Variants in AGTPBP1 observed in about 807,000 individuals in gnomAD.
The protein encoded by AGTPBP1 is cytosolic carboxypeptidase 1.
Under a neutral mutation model 143.9 loss-of-function variants are expected in AGTPBP1, and 70 were observed. The observed-to-expected ratio is 0.49, with a 90% CI of 0.40 to 0.59. The LOEUF is 0.59. Among genes scored for constraint, AGTPBP1 ranks in the 20% least tolerant of loss-of-function variants. AGTPBP1 has a pLI of 0.00. For missense variants in AGTPBP1, 1,229 were observed against 1,464.5 expected (o/e 0.84, Z 2.62); for synonymous variants, 463 against 500.2 (o/e 0.93, Z 0.99).
rs776240439 is a variant in AGTPBP1 at position 85,592,718 on chromosome 9, G to C, written c.2424-14C>G. The C allele has an allele frequency of 5.6e-6, 9 of 1,605,610 alleles. 1 individual carries two copies. In the South Asian group the frequency reaches 9.0e-5, roughly 16 times the overall value. On this transcript the variant is annotated splice_polypyrimidine_tract_variant and intron_variant, in intron 18 of 25. Coordinates refer to ENST00000357081, the MANE Select transcript of AGTPBP1 (RefSeq NM_001330701.2). ...GAGAAATGATTTCTGCAATAAAAAC[G>C]CATAAAACATGTTCATTTCATCCAC...
intron 3 of AGTPBP1, among the ~76,000 whole-genome samples, chr9:85,685,469 T>C (rs532113731): frequency 1.2e-4 from 19 of 152,154 alleles, no homozygotes; most frequent in African/African-American, 4.6e-4. Context: ...GAAACACAAT[T>C]GTAAGCACAC....
chr9:85,651,076 C>G (rs1587829184), intron 11 of AGTPBP1, among the ~76,000 whole-genome samples: 1 of 152,184 alleles, frequency 6.6e-6, no homozygotes. Context: ...ATCTGGGAGT[C>G]TCTTTCCTTC....
At chr9:85,739,002 A>C (rs1824026530) in intron 1 of AGTPBP1, among the ~76,000 whole-genome samples, 1 of 152,202 alleles carries the variant, frequency 6.6e-6, no homozygotes, top group African/African-American at 2.4e-5. Flanking sequence ...ATTTGAGAAT[A>C]TCTTAAGAGT....
intron 25 of AGTPBP1, among the ~76,000 whole-genome samples, chr9:85,557,973 T>A (rs1265591291): frequency 6.6e-6 from 1 of 152,230 alleles, no homozygotes; most frequent in South Asian, 2.1e-4. Flanking sequence ...CACAGACTCA[T>A]AGTGTTCCCT....
At chr9:85,689,940 A>C (rs1280171855) in intron 3 of AGTPBP1, among the ~76,000 whole-genome samples, 4 of 139,886 alleles carry the variant, frequency 2.9e-5, no homozygotes, top group Non-Finnish European at 4.6e-5. Flanking sequence ...ATATATATAT[A>C]TATATATCTT....
intron 6 of AGTPBP1, among the ~76,000 whole-genome samples, chr9:85,673,810 A>G (rs1330496427): frequency 6.6e-6 from 1 of 152,118 alleles, no homozygotes; most frequent in Non-Finnish European, 1.5e-5. Context: ...TAAAACTACA[A>G]ATAAAAATGA....
intron 17 of AGTPBP1, among the ~76,000 whole-genome samples, chr9:85,603,093 C>T (rs138412789): frequency 6.4e-4 from 97 of 152,260 alleles, no homozygotes; most frequent in African/African-American, 2.2e-3. Context: ...GTCACAAGAA[C>T]TGAAATTCTG....
chr9:85,580,237 CAAAA>C (rs1239351591), intron 23 of AGTPBP1, among the ~76,000 whole-genome samples: 2 of 88,432 alleles, frequency 2.3e-5, no homozygotes, highest in African/African-American at 4.2e-5. Context: ...AACTCCATCT[CAAAA>C]AAAAAAAAAA....
At chr9:85,715,961 A>G (rs117590655) in intron 1 of AGTPBP1, among the ~76,000 whole-genome samples, 2,263 of 152,312 alleles carry the variant, frequency 0.015, 25 homozygotes, top group Middle Eastern at 0.037. Flanking sequence ...TAAAATCATG[A>G]TATTTCTGTG....
intron 13 of AGTPBP1, among the ~76,000 whole-genome samples, chr9:85,641,231 G>T (rs1451791723): frequency 6.6e-6 from 1 of 152,176 alleles, no homozygotes; most frequent in Non-Finnish European, 1.5e-5. Flanking sequence ...AAAGTAGAAG[G>T]TACAGAAGAA....
intron 13 of AGTPBP1, among the ~76,000 whole-genome samples, chr9:85,639,736 T>C (rs184944390): frequency 1.7e-4 from 26 of 152,198 alleles, no homozygotes; most frequent in East Asian, 1.2e-3. Flanking sequence ...CACAGACATA[T>C]GAATAAAAGA....
chr9:85,560,076 G>C (rs1482062603), intron 25 of AGTPBP1, among the ~76,000 whole-genome samples: 1 of 152,132 alleles, frequency 6.6e-6, no homozygotes, highest in Non-Finnish European at 1.5e-5. Flanking sequence ...ACCCCCTCCA[G>C]CCCACCAGTA....
At chr9:85,695,170 C>G (rs1223177107) in intron 2 of AGTPBP1, among the ~76,000 whole-genome samples, 1 of 152,058 alleles carries the variant, frequency 6.6e-6, no homozygotes, top group Non-Finnish European at 1.5e-5. Context: ...TAGACTGGTG[C>G]TTTGTAACCT....
At chr9:85,724,396 A>C (rs1838337915) in intron 1 of AGTPBP1, among the ~76,000 whole-genome samples, 1 of 152,184 alleles carries the variant, frequency 6.6e-6, no homozygotes, top group Non-Finnish European at 1.5e-5. Context: ...TTTGAAAATT[A>C]TCATTACTGA....
intron 17 of AGTPBP1, among the ~76,000 whole-genome samples, chr9:85,606,263 AAAG>A (rs1297511961): frequency 6.6e-6 from 1 of 152,078 alleles, no homozygotes; most frequent in Non-Finnish European, 1.5e-5. Context: ...TATTTCTCAA[AAAG>A]AAGATATACA....
chr9:85,569,552 C>T (rs749442208), intron 25 of AGTPBP1, among the ~76,000 whole-genome samples: 4 of 152,118 alleles, frequency 2.6e-5, no homozygotes, highest in Non-Finnish European at 4.4e-5. Flanking sequence ...TTATCTTCAG[C>T]CCACAATCAG....
At chr9:85,774,356 A>AT in the AGTPBP1 span, among the ~76,000 whole-genome samples, 4 of 151,526 alleles carry the variant, frequency 2.6e-5, no homozygotes, top group Admixed American at 6.6e-5. Flanking sequence ...ATACAGTTGA[A>AT]TTTTTTTTTA....
chr9:85,678,587 T>C (rs1446831545), intron 4 of AGTPBP1, among the ~76,000 whole-genome samples, 189 bp from the exon 5 acceptor site: 1 of 152,234 alleles, frequency 6.6e-6, no homozygotes, highest in African/African-American at 2.4e-5. Context: ...CAAATCATTT[T>C]GAGTTATTAC....
chr9:85,639,363 A>ATG (rs1832305368), intron 13 of AGTPBP1, among the ~76,000 whole-genome samples: 2 of 133,260 alleles, frequency 1.5e-5, no homozygotes, highest in African/African-American at 5.7e-5. Flanking sequence ...ATGCGCGCGC[A>ATG]CGCGCACACA....
Sources: allele counts gnomAD v4.1 joint callset (sites outside exome capture counted in the v4.1 genomes callset), GRCh38; gene constraint gnomAD v4.1.1; transcripts MANE v1.5; gene names NCBI Gene and HGNC (gene_info 2026-07-23, HGNC 2026-07-21).